SAMD12: variants seen among roughly 807,000 people sequenced by gnomAD.
The protein encoded by SAMD12 is sterile alpha motif domain-containing protein 12.
SAMD12 carries 9 observed loss-of-function variants against 15.0 expected under a neutral mutation model. The observed-to-expected ratio is 0.60, with a 90% CI of 0.36 to 1.05. SAMD12 has a LOEUF of 1.05. Ranked by LOEUF, SAMD12 falls within the 50% of genes least tolerant of loss-of-function variation. The probability of loss-of-function intolerance (pLI) is 0.01; values close to 1 mark genes in which losing one functional copy is unlikely to be tolerated. For missense variants in SAMD12, 230 were observed against 234.2 expected, an observed-to-expected ratio of 0.98 and a Z score of 0.12; for synonymous variants, 86 against 90.1, an observed-to-expected ratio of 0.96 and a Z score of 0.25.
intron 2 of SAMD12, among the ~76,000 whole-genome samples, chr8:118,532,703 T>A (rs1181343596): frequency 2.0e-5 from 3 of 152,228 alleles, no homozygotes; most frequent in African/African-American, 7.2e-5. Flanking sequence ...CAGTTTCCTC[T>A]AGATTTTCTA....
At chr8:118,288,293 T>C (rs1435848876) in intron 4 of SAMD12, 2 of 152,194 alleles carry the variant, frequency 1.3e-5, no homozygotes, top group Non-Finnish European at 1.5e-5. Context: ...TCACAGTGTC[T>C]AGTGGAGCTG....
At chr8:118,363,354 C>T (rs1818599345) in intron 4 of SAMD12, among the ~76,000 whole-genome samples, 1 of 152,096 alleles carries the variant, frequency 6.6e-6, no homozygotes, top group Non-Finnish European at 1.5e-5. Context: ...GGCAGATTTC[C>T]CTCCCCATGT....
intron 2 of SAMD12, among the ~76,000 whole-genome samples, chr8:118,524,188 C>T (rs1825470861): frequency 6.6e-6 from 1 of 152,056 alleles, no homozygotes; most frequent in African/African-American, 2.4e-5. Context: ...TCTTGTGAAC[C>T]ACTTCTAACA....
At chr8:118,173,583 A>G in the SAMD12 span, among the ~76,000 whole-genome samples, 3 of 147,520 alleles carry the variant, frequency 2.0e-5, no homozygotes, top group African/African-American at 7.4e-5. Flanking sequence ...ATATTTAACT[A>G]TAGATTATAT....
At chr8:118,232,399 AG>A (rs1812332081) in intron 4 of SAMD12, among the ~76,000 whole-genome samples, 2 of 152,174 alleles carry the variant, frequency 1.3e-5, no homozygotes, top group Admixed American at 6.5e-5. Flanking sequence ...AGTAAAGCCC[AG>A]GGCAAGAAAG....
intron 4 of SAMD12, among the ~76,000 whole-genome samples, chr8:118,321,158 T>TATA (rs1816251250): frequency 1.5e-5 from 1 of 65,062 alleles, no homozygotes; most frequent in Non-Finnish European, 3.1e-5. Flanking sequence ...TATATATATA[T>TATA]ATATATATAT....
intron 1 of SAMD12, among the ~76,000 whole-genome samples, chr8:118,589,944 G>C (rs948729366): frequency 2.0e-5 from 3 of 152,000 alleles, no homozygotes; most frequent in African/African-American, 4.8e-5. Flanking sequence ...AAAAATGATG[G>C]ACATTATATA....
At chr8:118,497,059 C>A (rs1011751205) in intron 2 of SAMD12, among the ~76,000 whole-genome samples, 1 of 152,022 alleles carries the variant, frequency 6.6e-6, no homozygotes, top group Non-Finnish European at 1.5e-5. Flanking sequence ...ACTAAAAAGT[C>A]AAAAAATAAC....
At chr8:118,150,189 C>T in the SAMD12 span, among the ~76,000 whole-genome samples, 1 of 152,156 alleles carries the variant, frequency 6.6e-6, no homozygotes, top group Non-Finnish European at 1.5e-5. Flanking sequence ...GTCAATAATG[C>T]CTCTATTGAG....
intron 4 of SAMD12, among the ~76,000 whole-genome samples, chr8:118,273,944 T>C (rs145002942): frequency 6.6e-6 from 1 of 152,320 alleles, no homozygotes; most frequent in Non-Finnish European, 1.5e-5. Context: ...CTATCCAGTG[T>C]CTACTTTGTG....
chr8:118,352,033 C>T (rs1477219284), intron 4 of SAMD12, among the ~76,000 whole-genome samples: 1 of 152,278 alleles, frequency 6.6e-6, no homozygotes, highest in East Asian at 1.9e-4. Flanking sequence ...TCCTTGCAAC[C>T]ACAAGAATCC....
the SAMD12 span, among the ~76,000 whole-genome samples, chr8:118,166,785 T>C: frequency 2.6e-5 from 4 of 152,202 alleles, no homozygotes; most frequent in African/African-American, 7.2e-5. Context: ...ACAACAATGG[T>C]AAACCCAAAT....
intron 4 of SAMD12, among the ~76,000 whole-genome samples, chr8:118,349,423 A>G (rs1254110174): frequency 1.3e-5 from 2 of 152,236 alleles, no homozygotes; most frequent in African/African-American, 4.8e-5. Context: ...CAGTTGCTGA[A>G]TACAGAACTT....
At chr8:118,418,562 AC>A (rs1380521741) in intron 3 of SAMD12, among the ~76,000 whole-genome samples, 2 of 152,138 alleles carry the variant, frequency 1.3e-5, no homozygotes, top group African/African-American at 2.4e-5. Flanking sequence ...TACTAAAAAT[AC>A]AAAAAATTAG....
At chr8:118,585,109 G>A (rs1339625429) in intron 1 of SAMD12, among the ~76,000 whole-genome samples, 1 of 152,134 alleles carries the variant, frequency 6.6e-6, no homozygotes, top group African/African-American at 2.4e-5. Context: ...GAAATATTTT[G>A]CGCCTATAAA....
chr8:118,415,994 C>T (rs1033131027), intron 3 of SAMD12, among the ~76,000 whole-genome samples: 11 of 151,534 alleles, frequency 7.3e-5, no homozygotes, highest in Non-Finnish European at 1.5e-5. Flanking sequence ...GGCTTTCCCC[C>T]TTTTTTTTTC....
chr8:118,621,602 T>G, intron 1 of SAMD12: 2 of 625,450 alleles, frequency 3.2e-6, no homozygotes, highest in Non-Finnish European at 5.8e-6. Context: ...CACCTACCCT[T>G]CACGTCTCTC....
chr8:118,609,187 G>T (rs969016638), intron 1 of SAMD12, among the ~76,000 whole-genome samples: 3 of 152,184 alleles, frequency 2.0e-5, no homozygotes, highest in Non-Finnish European at 4.4e-5. Context: ...TGGTCATAGT[G>T]TGGTGGGCTA....
intron 2 of SAMD12, among the ~76,000 whole-genome samples, chr8:118,569,303 C>A (rs1826940592): frequency 6.6e-6 from 1 of 151,960 alleles, no homozygotes. Flanking sequence ...TGCCTTCAGG[C>A]TATATATATA....
Sources: gnomAD v4.1 joint callset for allele counts (sites outside exome capture counted in the v4.1 genomes callset) on GRCh38, gnomAD v4.1.1 for gene constraint, MANE v1.5 for transcripts, NCBI Gene and HGNC (gene_info 2026-07-23, HGNC 2026-07-21) for gene names.